ZNF420: variants seen among roughly 807,000 people sequenced by gnomAD.
The protein encoded by ZNF420 is zinc finger protein 420.
A neutral mutation model predicts 44.7 loss-of-function variants in ZNF420; 31 were observed. The observed-to-expected ratio is 0.69, with a 90% CI of 0.52 to 0.94. The LOEUF is 0.94. Ranked by LOEUF, ZNF420 falls within the 40% of genes least tolerant of loss-of-function variation. The probability of loss-of-function intolerance (pLI) is 0.00; values close to 1 mark genes in which losing one functional copy is unlikely to be tolerated. For synonymous variants in ZNF420, 245 were observed against 267.4 expected (o/e 0.92, Z 0.82); for missense variants, 681 against 827.9 (o/e 0.82, Z 2.18).
At position 37,127,514 on chromosome 19, in the gene ZNF420, G is replaced by T. The variant is rs753363382; in HGVS notation, c.523G>T (p.Ala175Ser). Residue 175 changes from alanine to serine, a missense_variant, in exon 5 of 5, where the codon GCC becomes TCC. Ala to Ser is a moderately conservative substitution (Grantham distance 99). This residue lies in a region of ZNF420 where 350 missense variants were observed against 382.5 expected (regional missense o/e 0.92). Transcript: ENST00000337995. ...KPYECKQCGK[A>S]FSRDSQLSLH... ...CTATGAATGTAAGCAATGCGGGAAG[G>T]CCTTTAGTCGTGATTCACAACTCAG... 6 of 1,613,816 alleles carry T rather than the reference G, an allele frequency of 3.7e-6. No homozygotes were observed. The highest frequency in any genetic ancestry group is 3.3e-5 in the South Asian group (3 of 91,068).
chr19:37,008,806 G>A (rs374697221), intron 1 of ZNF420, among the ~76,000 whole-genome samples: 3 of 152,246 alleles, frequency 2.0e-5, no homozygotes, highest in South Asian at 4.1e-4. Context: ...TGTGTCTCCC[G>A]TTTCTGAGGG....
At chr19:37,119,395 C>A (rs895536529) in intron 4 of ZNF420, among the ~76,000 whole-genome samples, 9 of 152,132 alleles carry the variant, frequency 5.9e-5, no homozygotes, top group Non-Finnish European at 1.3e-4. Context: ...GAAATGAAGG[C>A]AGAAATCAAG....
intron 3 of ZNF420, 117 bp from the exon 4 acceptor site, chr19:37,090,878 C>G: frequency 1.9e-6 from 2 of 1,069,940 alleles, no homozygotes; most frequent in Non-Finnish European, 2.6e-6. Flanking sequence ...CGAGATCGCG[C>G]CACTGCACTC....
chr19:37,023,515 G>A (rs950991044), intron 1 of ZNF420, among the ~76,000 whole-genome samples: 2 of 151,946 alleles, frequency 1.3e-5, no homozygotes, highest in South Asian at 2.1e-4. Context: ...ACAGGTGCAC[G>A]TCACCATGCC....
At chr19:37,030,388 T>A (rs900773152) in intron 1 of ZNF420, among the ~76,000 whole-genome samples, 4 of 152,182 alleles carry the variant, frequency 2.6e-5, no homozygotes, top group Admixed American at 1.3e-4. Flanking sequence ...GTCTTGAGCT[T>A]CTGACCTCCT....
At chr19:37,085,936 T>TTTATTA (rs34624393) in intron 2 of ZNF420, among the ~76,000 whole-genome samples, 1,619 of 137,728 alleles carry the variant, frequency 0.012, 14 homozygotes, top group South Asian at 0.043. Context: ...TGGCTGATGT[T>TTTATTA]TTATTATTAT....
rs557199278 is a variant in ZNF420, at chr19:37,064,740, C to T, written c.-124-15605C>T. 1.1e-4 allele frequency among the ~76,000 whole-genome samples: 16 copies of T among 152,234 alleles called. No homozygotes were observed. The East Asian group carries it at 2.9e-3, about 28-fold the overall frequency. Reference sequence around the variant, plus strand: ...GTGCTTTAGGCCTAAGTAACTGCACCGGCATGTATGCCTAGCTTGCTCAGC... The same window carrying T: ...GTGCTTTAGGCCTAAGTAACTGCACTGGCATGTATGCCTAGCTTGCTCAGC... On this transcript the variant is annotated intron_variant, in intron 1 of 4. Transcript: ENST00000587029.
chr19:37,011,861 A>G (rs1043100234), intron 1 of ZNF420, among the ~76,000 whole-genome samples: 1 of 152,118 alleles, frequency 6.6e-6, no homozygotes, highest in African/African-American at 2.4e-5. Flanking sequence ...TTGCACGTGT[A>G]CTAGAAAGCG....
chr19:37,118,353 C>A (rs1420450670), intron 4 of ZNF420, among the ~76,000 whole-genome samples: 1 of 152,160 alleles, frequency 6.6e-6, no homozygotes, highest in Non-Finnish European at 1.5e-5. Context: ...CCCAGAATTT[C>A]ATATCCAGCC....
chr19:37,017,561 A>C (rs992465187), intron 1 of ZNF420, among the ~76,000 whole-genome samples: 5 of 152,096 alleles, frequency 3.3e-5, no homozygotes, highest in Non-Finnish European at 7.3e-5. Flanking sequence ...TGAAGGAAAA[A>C]CCCCACTTGA....
intron 1 of ZNF420, among the ~76,000 whole-genome samples, chr19:37,026,227 A>G (rs954225592): frequency 2.7e-5 from 4 of 150,600 alleles, no homozygotes; most frequent in African/African-American, 9.8e-5. Flanking sequence ...GCACCATCTC[A>G]GCTCACTGCA....
At chr19:37,116,756 A>G (rs1568470520) in intron 4 of ZNF420, among the ~76,000 whole-genome samples, 1 of 152,196 alleles carries the variant, frequency 6.6e-6, no homozygotes, top group Non-Finnish European at 1.5e-5. Flanking sequence ...CTCCCACCCT[A>G]ATACTGCGCT....
intron 1 of ZNF420, among the ~76,000 whole-genome samples, chr19:37,023,185 C>T (rs562213896): frequency 7.9e-5 from 12 of 152,164 alleles, no homozygotes; most frequent in African/African-American, 2.9e-4. Flanking sequence ...AAGCCTTTTC[C>T]ACATCACACA....
rs755881615 is a variant in ZNF420, at chr19:37,127,303, G to A, written c.312G>A (p.Lys104=). The A allele has an allele frequency of 6.2e-7, 1 of 1,613,058 alleles. No homozygotes were observed. Among genetic ancestry groups the A allele is most frequent in the Admixed American group, 1.7e-5 (1 of 59,870 alleles). ...TGGAGAAGCAACAAGAAAATCAGAA[G>A]GAATATTTCAGGCAAGGGATGATCA... is the stretch of plus-strand genomic sequence containing the variant. ...GKMEKQQENQ[K]EYFRQGMIIY... Residue 104 remains lysine (K), a synonymous_variant, in exon 5 of 5, where the codon AAG becomes AAA. Transcript: ENST00000337995.
intron 3 of ZNF420, 59 bp downstream of exon 3, chr19:37,089,186 T>C: frequency 6.9e-7 from 1 of 1,448,690 alleles, no homozygotes; most frequent in East Asian, 2.3e-5. Context: ...ATGTGTGTGT[T>C]TGTATTCCTT....
intron 2 of ZNF420, among the ~76,000 whole-genome samples, chr19:37,087,075 A>T (rs1350638700): frequency 6.6e-6 from 1 of 152,038 alleles, no homozygotes; most frequent in African/African-American, 2.4e-5. Flanking sequence ...GCTTGAGGCC[A>T]GGAGTTCAAG....
intron 1 of ZNF420, among the ~76,000 whole-genome samples, chr19:37,053,679 T>C (rs1385984983): frequency 1.3e-5 from 2 of 152,098 alleles, no homozygotes; most frequent in Admixed American, 1.3e-4. Context: ...ACAGCGGATA[T>C]TGGTGAGCAG....
At chr19:37,021,950 A>G (rs1195023325) in intron 1 of ZNF420, among the ~76,000 whole-genome samples, 1 of 150,164 alleles carries the variant, frequency 6.7e-6, no homozygotes, top group African/African-American at 2.4e-5. Context: ...AAAAAAAAAA[A>G]AAAAAAAAAA....
intron 2 of ZNF420, among the ~76,000 whole-genome samples, chr19:37,081,635 C>T (rs1001241333): frequency 7.3e-5 from 11 of 151,238 alleles, no homozygotes; most frequent in African/African-American, 2.7e-4. Flanking sequence ...AAGTGATTCT[C>T]CTACCTTAGC....
Sources: allele counts gnomAD v4.1 joint callset (sites outside exome capture counted in the v4.1 genomes callset), GRCh38; gene constraint gnomAD v4.1.1; regional missense constraint gnomAD v4.1.1; transcripts MANE v1.5; gene names NCBI Gene and HGNC (gene_info 2026-07-23, HGNC 2026-07-21).